The following RB1CC1 variants were observed in gnomAD, a reference collection of about 807,000 sequenced individuals.
RB1CC1 encodes RB1 inducible coiled-coil 1.
RB1CC1 carries 46 observed loss-of-function variants against 177.5 expected under a neutral mutation model. The observed-to-expected ratio is 0.26, with a 90% CI of 0.20 to 0.33. The LOEUF (loss-of-function observed/expected upper bound fraction) is 0.33, where lower values mean the gene tolerates loss of function less well. Among genes scored for constraint, RB1CC1 ranks in the 10% least tolerant of loss-of-function variants. RB1CC1 has a pLI of 1.00. For synonymous variants in RB1CC1, 666 were observed against 613.6 expected (o/e 1.09, Z -1.26); for missense variants, 1,703 against 1,816.3 (o/e 0.94, Z 1.13).
Position 52,657,588 on chromosome 8 carries a change from A to G in RB1CC1, c.2241T>C (p.Ser747=), listed in dbSNP as rs200655637. The change falls in exon 15 of 24, where the codon TCT becomes TCC. Residue 747 remains serine, a synonymous_variant. Coordinates refer to ENST00000025008, the MANE Select transcript of RB1CC1 (RefSeq NM_014781.5). ...TTTGTGGATCACTTATAGGATTAGG[A>G]GACGACAAATTTTCTTCTATTACAA... The part of the protein sequence containing the change: ...NEFVIEENLS[S]PNPISDPQSP... The G allele has an allele frequency of 3.3e-4, 528 of 1,614,110 alleles. 3 individuals carry two copies. The highest frequency in any genetic ancestry group is 3.3e-5 in the Non-Finnish European group (39 of 1,180,026).
At position 52,698,669 on chromosome 8, in the gene RB1CC1, G is replaced by GTTT; in HGVS notation, c.-166-11703_-166-11702insAAA. ...AACAAAAACTGTATATGTAATGGTT[G>GTTT]GTTTTTTTTTTTTTTTTTTTTTTTT... On this transcript the variant is annotated intron_variant, in intron 1 of 23. Transcript: ENST00000025008. Among the ~76,000 whole-genome samples, 93 of 22,782 alleles carry GTTT rather than the reference G, an allele frequency of 4.1e-3. 46 individuals are homozygous for GTTT. Among genetic ancestry groups the GTTT allele is most frequent in the Non-Finnish European group, 5.9e-3 (63 of 10,600 alleles). The allele number at this position is 22,782 out of a possible 152,430, so 14.9% of individuals were successfully genotyped here. A position where few individuals can be genotyped will look rare whatever the true frequency, so the allele number is the denominator to read the frequency against.
chr8:52,625,194 A>T (rs1848295937), intron 22 of RB1CC1, among the ~76,000 whole-genome samples: 1 of 152,084 alleles, frequency 6.6e-6, no homozygotes, highest in Non-Finnish European at 1.5e-5. Flanking sequence ...AAAGCAAAAC[A>T]CTCATTTTTG....
chr8:52,685,330 GAAT>G (rs1478678115), intron 3 of RB1CC1, 66 bp downstream of exon 3: 4 of 1,194,606 alleles, frequency 3.3e-6, no homozygotes, highest in East Asian at 4.9e-5. Context: ...TTAAACAGTA[GAAT>G]AATATTTCTT....
intron 18 of RB1CC1, among the ~76,000 whole-genome samples, chr8:52,641,099 C>T (rs1849531777): frequency 6.6e-6 from 1 of 151,832 alleles, no homozygotes; most frequent in African/African-American, 2.4e-5. Context: ...AAATTTAATG[C>T]CTGGCCGGGC....
At chr8:52,655,277 G>GA (rs1850980586) in intron 15 of RB1CC1, among the ~76,000 whole-genome samples, 1 of 152,120 alleles carries the variant, frequency 6.6e-6, no homozygotes, top group African/African-American at 2.4e-5. Flanking sequence ...GACACAGGTT[G>GA]AAATATATAT....
At chr8:52,693,622 G>A (rs916901643) in intron 1 of RB1CC1, among the ~76,000 whole-genome samples, 2 of 152,186 alleles carry the variant, frequency 1.3e-5, no homozygotes, top group African/African-American at 4.8e-5. Flanking sequence ...CTGTTGGTGG[G>A]AGTGTAAATT....
In RB1CC1 at chr8:52,657,832, G is replaced by T; in HGVS notation, c.1997C>A (p.Thr666Asn). ...MESTAGITTT[T>N]SPRTPPPLTV... ...CAGTGGTGGAGGAGTTCTCGGTGAG[G>T]TAGTAGTTGTAATTCCTGCTGTACT... The change falls in exon 15 of 24, where the codon ACC (threonine) becomes AAC (asparagine). Residue 666 changes from threonine (T) to asparagine (N), a missense_variant. By Grantham distance (65) the Thr-to-Asn change is moderately conservative. Coordinates refer to ENST00000025008, the MANE Select transcript of RB1CC1 (RefSeq NM_014781.5). 1.9e-6 allele frequency: 3 copies of T among 1,613,994 alleles called. No homozygotes were observed. Among genetic ancestry groups the T allele is most frequent in the Non-Finnish European group, 2.5e-6 (3 of 1,180,002 alleles).
intron 6 of RB1CC1, among the ~76,000 whole-genome samples, chr8:52,674,784 A>C (rs998552372): frequency 2.0e-5 from 3 of 152,082 alleles, no homozygotes; most frequent in African/African-American, 7.2e-5. Context: ...AAAAAAAAAA[A>C]AACACTCTAA....
chr8:52,663,064 AAC>A (rs1319028216), intron 8 of RB1CC1, among the ~76,000 whole-genome samples: 1 of 152,136 alleles, frequency 6.6e-6, no homozygotes, highest in Non-Finnish European at 1.5e-5. Flanking sequence ...ATATTTGCTC[AAC>A]CATACTCAAT....
At chr8:52,645,933 A>C (rs1270087204) in intron 15 of RB1CC1, 66 bp from the exon 16 acceptor site, 44 of 1,440,690 alleles carry the variant, frequency 3.1e-5, no homozygotes, top group Non-Finnish European at 3.8e-5. Flanking sequence ...ACCAAATATC[A>C]TATTTGGGAA....
chr8:52,649,630 C>T (rs1279558617), intron 15 of RB1CC1, among the ~76,000 whole-genome samples: 8 of 152,130 alleles, frequency 5.3e-5, no homozygotes, highest in South Asian at 4.1e-4. Context: ...AGTGAGACTC[C>T]GTCTCAAAAA....
intron 16 of RB1CC1, among the ~76,000 whole-genome samples, chr8:52,645,318 T>A (rs1287259888): frequency 6.6e-6 from 1 of 152,186 alleles, no homozygotes; most frequent in African/African-American, 2.4e-5. Flanking sequence ...AATCATTTTT[T>A]AAATTAAAAA....
In RB1CC1 at chr8:52,657,361, C is replaced by T; in HGVS notation, c.2468G>A (p.Arg823Lys). 1 of 1,613,918 alleles carries T rather than the reference C, an allele frequency of 6.2e-7. No homozygotes were observed. Among genetic ancestry groups the T allele is most frequent in the South Asian group, 1.1e-5 (1 of 91,060 alleles). Residue 823 changes from arginine to lysine, a missense_variant, in exon 15 of 24, where the codon AGA becomes AAA. Arg to Lys is a conservative substitution (Grantham distance 26). Around this residue, in one of 6 missense-constraint regions of RB1CC1, gnomAD observed 1,169 missense variants for 1,184.7 expected, o/e 0.99. Transcript: ENST00000025008. ...ACACTGTTCTTTTTGTACAAATGTT[C>T]TAAAGTGGCAAAGGTCTTCCTTAAT... Reference protein sequence around the residue: ...QTIKEDLCHFRTFVQKEQCDF... With the variant: ...QTIKEDLCHFKTFVQKEQCDF...
At chr8:52,684,337 T>C (rs191136740) in intron 3 of RB1CC1, among the ~76,000 whole-genome samples, 15 of 152,224 alleles carry the variant, frequency 9.9e-5, no homozygotes, top group Admixed American at 3.3e-4. Context: ...TTCCTTCCTA[T>C]CCCTATCTTC....
chr8:52,681,949 C>G (rs1853780433), intron 5 of RB1CC1, among the ~76,000 whole-genome samples: 2 of 152,198 alleles, frequency 1.3e-5, no homozygotes, highest in South Asian at 4.1e-4. Flanking sequence ...AGCCCCCACA[C>G]AGAGTCCCTA....
chr8:52,696,053 T>TACA (rs1855376368), intron 1 of RB1CC1, among the ~76,000 whole-genome samples: 3 of 152,166 alleles, frequency 2.0e-5, no homozygotes, highest in Admixed American at 6.5e-5. Flanking sequence ...CTATGGTTTT[T>TACA]TTGTTTTTCA....
In RB1CC1 at chr8:52,623,510, G is replaced by T; in HGVS notation, c.*272C>A. 2.4e-6 allele frequency: 1 copy of T among 423,910 alleles called. No homozygotes were observed. Among genetic ancestry groups the T allele is most frequent in the Non-Finnish European group, 4.4e-6 (1 of 225,384 alleles). The allele number at this position is 423,910 out of a possible 1,614,324, so 26.3% of individuals were successfully genotyped here. A position where few individuals can be genotyped will look rare whatever the true frequency, so the allele number is the denominator to read the frequency against. On this transcript the variant is annotated 3_prime_UTR_variant, in exon 24 of 24. Transcript: ENST00000025008. ...ACAATGCACAAGGTATGCCCTTTGA[G>T]AAAATGAAGTAGTTTGGTCCGCATT...
At chr8:52,660,561 T>C (rs747367646) in intron 12 of RB1CC1, 35 bp downstream of exon 12, 11 of 1,526,576 alleles carry the variant, frequency 7.2e-6, no homozygotes, top group Middle Eastern at 1.7e-4. Flanking sequence ...TTAAAACATA[T>C]GGAATTTAGT....
chr8:52,703,460 A>G (rs1385326214), intron 1 of RB1CC1, among the ~76,000 whole-genome samples: 1 of 152,210 alleles, frequency 6.6e-6, no homozygotes, highest in Non-Finnish European at 1.5e-5. Flanking sequence ...TTGGGTCCCT[A>G]CATGAAGCTC....
Sources: allele counts gnomAD v4.1 joint callset (sites outside exome capture counted in the v4.1 genomes callset), GRCh38; gene constraint gnomAD v4.1.1; regional missense constraint gnomAD v4.1.1; transcripts MANE v1.5; gene names NCBI Gene and HGNC (gene_info 2026-07-23, HGNC 2026-07-21).